The following NRP1 variants were observed in gnomAD, a reference collection of about 807,000 sequenced individuals.
The protein encoded by NRP1 is neuropilin-1.
A neutral mutation model predicts 106.7 loss-of-function variants in NRP1; 35 were observed. That is an observed-to-expected ratio of 0.33 (90% CI 0.25 to 0.43). NRP1 has a LOEUF of 0.43. Ranked by LOEUF, NRP1 falls within the 20% of genes least tolerant of loss-of-function variation. The pLI, the probability that NRP1 is intolerant of heterozygous loss-of-function variation, is 1.00. For missense variants in NRP1, 1,024 were observed against 1,170.4 expected (o/e 0.87, Z 1.83); for synonymous variants, 437 against 417.9 (o/e 1.05, Z -0.56).
At chr10:33,286,662 A>T (rs531268848) in intron 2 of NRP1, among the ~76,000 whole-genome samples, 2 of 152,330 alleles carry the variant, frequency 1.3e-5, no homozygotes, top group South Asian at 4.2e-4. Context: ...TGGCTTTCTG[A>T]TGCCACAGAA....
intron 2 of NRP1, among the ~76,000 whole-genome samples, chr10:33,315,710 A>C (rs1270945590): frequency 1.0e-5 from 1 of 96,826 alleles, no homozygotes; most frequent in African/African-American, 2.5e-5. Context: ...GAAGTGTCAG[A>C]GGACGGAGAA....
intron 16 of NRP1, among the ~76,000 whole-genome samples, chr10:33,181,860 G>T (rs2132571196): frequency 6.6e-6 from 1 of 152,314 alleles, no homozygotes; most frequent in East Asian, 1.9e-4. Flanking sequence ...AGCACTTTAG[G>T]AGGCTGAGGC....
At chr10:33,299,996 ACT>A (rs1845689059) in intron 2 of NRP1, among the ~76,000 whole-genome samples, 1 of 152,164 alleles carries the variant, frequency 6.6e-6, no homozygotes, top group African/African-American at 2.4e-5. Context: ...AAAAGTTCAC[ACT>A]CTGAACTGCC....
intron 2 of NRP1, among the ~76,000 whole-genome samples, chr10:33,297,194 T>C (rs1435985076): frequency 6.6e-6 from 1 of 152,166 alleles, no homozygotes; most frequent in East Asian, 1.9e-4. Flanking sequence ...GTTGTGTGCC[T>C]TATTGCAGGA....
At chr10:33,314,001 T>G (rs1407356302) in intron 2 of NRP1, among the ~76,000 whole-genome samples, 3 of 134,426 alleles carry the variant, frequency 2.2e-5, no homozygotes, top group African/African-American at 7.8e-5. Context: ...CTCCCTCCTT[T>G]CGTTTTCCTT....
At position 33,213,572 on chromosome 10, in the gene NRP1, T is replaced by G. The variant is rs761578250; in HGVS notation, c.1428A>C (p.Ala476=). 6.2e-7 allele frequency: 1 copy of G among 1,614,050 alleles called. No individual in the cohort carries two copies. The highest frequency in any genetic ancestry group is 1.1e-5 in the South Asian group (1 of 91,052). ...TSRSGWALPP[A]PHSYINEWLQ... ...GCCACTCATTGATGTAGGAATGAGGTGCGGGTGGAAGTGCCCAGCCAGAGC... is the reference window on the plus strand; with the variant it reads ...GCCACTCATTGATGTAGGAATGAGGGGCGGGTGGAAGTGCCCAGCCAGAGC... Residue 476 remains alanine, a synonymous_variant, in exon 9 of 17, where the codon GCA becomes GCC. Coordinates refer to ENST00000374867, the MANE Select transcript of NRP1 (RefSeq NM_003873.7).
At chr10:33,288,424 C>T (rs1043480887) in intron 2 of NRP1, 1 of 152,322 alleles carries the variant, frequency 6.6e-6, no homozygotes, top group Admixed American at 6.6e-5. Flanking sequence ...GCTGGTTCAC[C>T]CCTCGTTAGG....
At chr10:33,276,165 G>C (rs1843679378) in intron 2 of NRP1, among the ~76,000 whole-genome samples, 1 of 152,092 alleles carries the variant, frequency 6.6e-6, no homozygotes, top group Non-Finnish European at 1.5e-5. Flanking sequence ...TGGACAAGTA[G>C]TCCTTTATAA....
intron 7 of NRP1, among the ~76,000 whole-genome samples, chr10:33,225,485 A>T (rs764143061): frequency 6.6e-5 from 10 of 152,224 alleles, no homozygotes; most frequent in Admixed American, 1.3e-4. Context: ...AATCAGAGCA[A>T]GTGTAACTTC....
At chr10:33,293,913 A>C (rs1845188845) in intron 2 of NRP1, among the ~76,000 whole-genome samples, 1 of 152,232 alleles carries the variant, frequency 6.6e-6, no homozygotes, top group African/African-American at 2.4e-5. Context: ...TTTGTCTGTC[A>C]CAGTCATAGC....
intron 6 of NRP1, among the ~76,000 whole-genome samples, chr10:33,245,165 C>G (rs1022140167): frequency 6.6e-6 from 1 of 152,130 alleles, no homozygotes; most frequent in African/African-American, 2.4e-5. Context: ...GCCAGCCAAA[C>G]AACAATGAAT....
At chr10:33,302,855 T>C (rs932049045) in intron 2 of NRP1, among the ~76,000 whole-genome samples, 2 of 152,172 alleles carry the variant, frequency 1.3e-5, no homozygotes, top group African/African-American at 4.8e-5. Context: ...TTTATCCCCA[T>C]GGTTGGTAAG....
intron 9 of NRP1, among the ~76,000 whole-genome samples, chr10:33,208,446 CTT>C (rs1398149177): frequency 6.6e-6 from 1 of 152,192 alleles, no homozygotes; most frequent in African/African-American, 2.4e-5. Flanking sequence ...CTGCTGCTGG[CTT>C]TGTTTCCTTT....
intron 5 of NRP1, among the ~76,000 whole-genome samples, chr10:33,255,508 G>A (rs1842137716): frequency 6.6e-6 from 1 of 152,166 alleles, no homozygotes; most frequent in Non-Finnish European, 1.5e-5. Flanking sequence ...AGGCTGGAGT[G>A]CAGTGGCATG....
At chr10:33,304,227 G>A (rs188097923) in intron 2 of NRP1, among the ~76,000 whole-genome samples, 1 of 152,192 alleles carries the variant, frequency 6.6e-6, no homozygotes, top group East Asian at 1.9e-4. Flanking sequence ...TTCTATTTCT[G>A]GTCTCCATTC....
chr10:33,314,884 C>T (rs1317550443), intron 2 of NRP1, among the ~76,000 whole-genome samples: 1 of 152,200 alleles, frequency 6.6e-6, no homozygotes, highest in Non-Finnish European at 1.5e-5. Flanking sequence ...CTTTCTGCCT[C>T]TTCCCTGGCA....
intron 11 of NRP1, among the ~76,000 whole-genome samples, chr10:33,200,282 G>A (rs1837180937): frequency 6.6e-6 from 1 of 152,184 alleles, no homozygotes; most frequent in Non-Finnish European, 1.5e-5. Flanking sequence ...TGGCTGCCTG[G>A]TGCCTTTGAG....
At chr10:33,187,169 G>A (rs1329372118) in intron 13 of NRP1, among the ~76,000 whole-genome samples, 1 of 152,072 alleles carries the variant, frequency 6.6e-6, no homozygotes, top group East Asian at 1.9e-4. Flanking sequence ...CACCACGCTG[G>A]GCCCAAGAAA....
chr10:33,199,390 T>TATATATATATATATATATATATATATA (rs57198890), intron 11 of NRP1, among the ~76,000 whole-genome samples: 1 of 30,764 alleles, frequency 3.3e-5, no homozygotes, highest in African/African-American at 1.9e-4. Flanking sequence ...TATATATATA[T>TATATATATATATATATATATATATATA]TTTTTTTTTT....
Sources: gnomAD v4.1 joint callset for allele counts (sites outside exome capture counted in the v4.1 genomes callset) on GRCh38, gnomAD v4.1.1 for gene constraint, MANE v1.5 for transcripts, NCBI Gene and HGNC (gene_info 2026-07-23, HGNC 2026-07-21) for gene names.